GC: variants seen among roughly 807,000 people sequenced by gnomAD.
GC encodes GC vitamin D binding protein, also known as vitamin D-binding protein.
GC carries 43 observed loss-of-function variants against 56.7 expected under a neutral mutation model. The ratio of observed to expected loss-of-function variants is 0.76; its 90% confidence interval spans 0.59 to 0.98. The LOEUF is 0.98. Ranked by LOEUF, GC falls within the 50% of genes least tolerant of loss-of-function variation. GC has a pLI of 0.00. For missense variants in GC, 529 were observed against 545.9 expected (o/e 0.97, Z 0.31); for synonymous variants, 216 against 202.7 (o/e 1.07, Z -0.56).
chr4:71,805,233 G>A (rs923047303), upstream of GC, among the ~76,000 whole-genome samples: 4 of 152,268 alleles, frequency 2.6e-5, no homozygotes, highest in East Asian at 7.7e-4. Flanking sequence ...TATATTTGCT[G>A]TTGAGCTGAT....
At chr4:71,780,881 C>T (rs1578313583) in intron 1 of GC, among the ~76,000 whole-genome samples, 2 of 152,264 alleles carry the variant, frequency 1.3e-5, no homozygotes, top group South Asian at 4.1e-4. Context: ...CATCTTATTA[C>T]TGGGTATATA....
upstream of GC, among the ~76,000 whole-genome samples, chr4:71,785,098 T>G (rs1015624642): frequency 2.0e-5 from 3 of 151,740 alleles, no homozygotes; most frequent in African/African-American, 7.3e-5. Flanking sequence ...TTGGGAAATT[T>G]ATTTTACCCC....
intron 8 of GC, among the ~76,000 whole-genome samples, chr4:71,755,629 C>T (rs571001445): frequency 6.6e-6 from 1 of 152,208 alleles, no homozygotes; most frequent in East Asian, 1.9e-4. Context: ...TGTGACTAGT[C>T]AATACTGAAT....
intron 1 of GC, among the ~76,000 whole-genome samples, chr4:71,778,280 A>T (rs1742572179): frequency 1.3e-5 from 2 of 152,058 alleles, no homozygotes; most frequent in South Asian, 4.1e-4. Context: ...AATGACTGGT[A>T]ACTAATTATT....
rs373732240 is a variant in GC at position 71,763,940 on chromosome 4, T to C, written c.474-4A>G. The C allele has an allele frequency of 5.1e-5, 82 of 1,603,232 alleles. No individual in the cohort carries two copies. Among genetic ancestry groups the C allele is most frequent in the Non-Finnish European group, 6.6e-5 (77 of 1,174,880 alleles). On this transcript the variant is annotated splice_polypyrimidine_tract_variant and splice_region_variant and intron_variant, in intron 4 of 12. Coordinates refer to ENST00000273951, the MANE Select transcript of GC (RefSeq NM_000583.4). ...AGTGGAATATTCCCACATAAATCTGTGGAGGAAAAAATAGAATTGGTCAAA... is the reference window on the plus strand; with the variant it reads ...AGTGGAATATTCCCACATAAATCTGCGGAGGAAAAAATAGAATTGGTCAAA...
chr4:71,753,306 C>CG (rs1037038739), intron 10 of GC, among the ~76,000 whole-genome samples: 1 of 151,910 alleles, frequency 6.6e-6, no homozygotes, highest in African/African-American at 2.4e-5. Context: ...GCCAGCCCAG[C>CG]GGGGGGCAAT....
At chr4:71,753,504 TG>T (rs943946145) in intron 10 of GC, among the ~76,000 whole-genome samples, 4 of 146,548 alleles carry the variant, frequency 2.7e-5, no homozygotes, top group Non-Finnish European at 6.0e-5. Flanking sequence ...AAAAGAAAGT[TG>T]GGGGGAGGAG....
chr4:71,800,320 G>T (rs1743219246), intron 1 of GC, among the ~76,000 whole-genome samples: 1 of 152,106 alleles, frequency 6.6e-6, no homozygotes, highest in African/African-American at 2.4e-5. Flanking sequence ...TTATGAGTGA[G>T]AACATGCAGT....
intron 1 of GC, among the ~76,000 whole-genome samples, chr4:71,777,780 A>G (rs929121075): frequency 6.6e-6 from 1 of 151,438 alleles, no homozygotes; most frequent in Non-Finnish European, 1.5e-5. Context: ...ATAGATAAAA[A>G]AATCACAGTT....
At chr4:71,757,805 T>C (rs1329608756) in intron 7 of GC, among the ~76,000 whole-genome samples, 2 of 152,204 alleles carry the variant, frequency 1.3e-5, no homozygotes, top group East Asian at 3.8e-4. Flanking sequence ...GATAATCTCA[T>C]CTTTGCATAT....
chr4:71,780,248 G>A (rs1354178688), intron 1 of GC, among the ~76,000 whole-genome samples: 1 of 152,022 alleles, frequency 6.6e-6, no homozygotes. Flanking sequence ...ATGGATTAAA[G>A]GCTTAAATGT....
rs768382013 is a variant in GC, at chr4:71,784,073, A to T, written c.-55T>A. On this transcript the variant is annotated 5_prime_UTR_variant, in exon 1 of 13. Transcript: ENST00000273951. ...CTCTCTCCTGTAGGTGACCATGTAA[A>T]AGTGGTAGCCAAAAGTAATTGGTTT... is the stretch of plus-strand genomic sequence containing the variant. 3 of 1,561,422 alleles carry T rather than the reference A, an allele frequency of 1.9e-6. No individual in the cohort carries two copies. Among genetic ancestry groups the T allele is most frequent in the Non-Finnish European group, 1.7e-6 (2 of 1,158,088 alleles).
intron 11 of GC, 98 bp downstream of exon 11, chr4:71,752,420 A>C (rs1165757197): frequency 1.0e-6 from 1 of 956,688 alleles, no homozygotes; most frequent in Non-Finnish European, 1.6e-6. Context: ...AGCCTGTCAC[A>C]TAATGGCATC....
chr4:71,773,695 A>T (rs1742411969), intron 1 of GC, among the ~76,000 whole-genome samples: 1 of 152,018 alleles, frequency 6.6e-6, no homozygotes, highest in African/African-American at 2.4e-5. Flanking sequence ...ACATTAATGG[A>T]TCCTAAATAT....
chr4:71,800,147 C>A (rs1394716782), intron 1 of GC, among the ~76,000 whole-genome samples: 3 of 151,698 alleles, frequency 2.0e-5, no homozygotes, highest in Non-Finnish European at 4.4e-5. Context: ...TAAATGTGTG[C>A]CATGGTGGTT....
intron 12 of GC, among the ~76,000 whole-genome samples, chr4:71,743,407 C>G (rs1741252225): frequency 6.6e-6 from 1 of 152,142 alleles, no homozygotes; most frequent in African/African-American, 2.4e-5. Flanking sequence ...ATATTTTCTA[C>G]TTGAATAATT....
intron 1 of GC, among the ~76,000 whole-genome samples, chr4:71,795,557 T>A (rs1244491773): frequency 1.3e-5 from 2 of 152,202 alleles, no homozygotes; most frequent in South Asian, 2.1e-4. Context: ...TGTCTCTGCA[T>A]GTGAAATGCG....
chr4:71,767,113 A>G (rs1325856006), intron 3 of GC, among the ~76,000 whole-genome samples: 1 of 152,198 alleles, frequency 6.6e-6, no homozygotes, highest in Non-Finnish European at 1.5e-5. Flanking sequence ...GGTGGAAGAA[A>G]AGGATTATAA....
chr4:71,774,985 C>A (rs370381504), intron 1 of GC, among the ~76,000 whole-genome samples: 1 of 148,926 alleles, frequency 6.7e-6, no homozygotes, highest in East Asian at 2.0e-4. Context: ...CTTTGACTAT[C>A]AGTCCTGGAA....
Sources: gnomAD v4.1 joint callset for allele counts (sites outside exome capture counted in the v4.1 genomes callset) on GRCh38, gnomAD v4.1.1 for gene constraint, MANE v1.5 for transcripts, NCBI Gene and HGNC (gene_info 2026-07-23, HGNC 2026-07-21) for gene names.